Variants in CNTN5 observed in about 807,000 individuals in gnomAD.
CNTN5 encodes the protein contactin-5.
CNTN5 carries 77 observed loss-of-function variants against 129.1 expected under a neutral mutation model. The ratio of observed to expected loss-of-function variants is 0.60; its 90% CI spans 0.50 to 0.72. The LOEUF is 0.72. Among genes scored for constraint, CNTN5 ranks in the 30% least tolerant of loss-of-function variants. The pLI is 0.00. For synonymous variants in CNTN5, 509 were observed against 465.6 expected (o/e 1.09, Z -1.20); for missense variants, 1,478 against 1,328.8 (o/e 1.11, Z -1.75).
At chr11:99,602,228 G>A (rs1950334752) in intron 3 of CNTN5, among the ~76,000 whole-genome samples, 1 of 151,702 alleles carries the variant, frequency 6.6e-6, no homozygotes, top group African/African-American at 2.4e-5. Flanking sequence ...ATTTGTGGGG[G>A]ATATAATTTT....
intron 2 of CNTN5, among the ~76,000 whole-genome samples, chr11:99,362,510 T>A (rs1413301184): frequency 1.3e-5 from 2 of 152,032 alleles, no homozygotes; most frequent in African/African-American, 2.4e-5. Context: ...CTATTTTTTT[T>A]AGTTGTCTAT....
intron 6 of CNTN5, among the ~76,000 whole-genome samples, chr11:99,870,664 A>G (rs940336684): frequency 2.0e-5 from 3 of 152,102 alleles, no homozygotes; most frequent in Non-Finnish European, 2.9e-5. Context: ...TAAAATAGCA[A>G]TGTTTTCCCT....
intron 1 of CNTN5, among the ~76,000 whole-genome samples, chr11:99,125,344 T>TAA (rs34985933): frequency 4.8e-4 from 72 of 149,474 alleles, no homozygotes; most frequent in South Asian, 1.5e-3. Context: ...TCAACAGAAC[T>TAA]AAAAAAAAAA....
intron 2 of CNTN5, among the ~76,000 whole-genome samples, chr11:99,334,720 G>A (rs930797512): frequency 6.6e-6 from 1 of 151,222 alleles, no homozygotes; most frequent in African/African-American, 2.4e-5. Flanking sequence ...AAGTTTCCAA[G>A]ACACAGTATG....
At chr11:100,324,217 G>C (rs897469832) in intron 21 of CNTN5, among the ~76,000 whole-genome samples, 33 of 152,092 alleles carry the variant, frequency 2.2e-4, no homozygotes, top group African/African-American at 8.0e-4. Flanking sequence ...CAAAGAAAGG[G>C]CAGCGGTGGG....
chr11:99,383,275 C>T (rs1238200354), intron 2 of CNTN5, among the ~76,000 whole-genome samples: 1 of 151,976 alleles, frequency 6.6e-6, no homozygotes, highest in Non-Finnish European at 1.5e-5. Flanking sequence ...AAGAAAAGAC[C>T]AAAAGAAATG....
At chr11:99,592,125 T>C (rs957392152) in intron 3 of CNTN5, among the ~76,000 whole-genome samples, 1 of 152,180 alleles carries the variant, frequency 6.6e-6, no homozygotes, top group African/African-American at 2.4e-5. Context: ...TTGAGATTCC[T>C]CTAAACAGAG....
intron 3 of CNTN5, among the ~76,000 whole-genome samples, chr11:99,748,083 C>A (rs1208805278): frequency 6.6e-6 from 1 of 152,040 alleles, no homozygotes; most frequent in Admixed American, 6.6e-5. Flanking sequence ...GTGAATTATC[C>A]TTTTAATGTG....
intron 7 of CNTN5, among the ~76,000 whole-genome samples, chr11:99,945,762 A>T (rs188819929): frequency 3.3e-5 from 5 of 152,076 alleles, no homozygotes; most frequent in African/African-American, 1.2e-4. Flanking sequence ...ATCTTTTTCT[A>T]TGGTGCCACA....
chr11:99,037,337 C>T (rs951064819), intron 1 of CNTN5, among the ~76,000 whole-genome samples: 4 of 152,062 alleles, frequency 2.6e-5, no homozygotes, highest in Admixed American at 6.6e-5. Context: ...AAGCTTTAAT[C>T]GTTTCTACTG....
intron 2 of CNTN5, among the ~76,000 whole-genome samples, chr11:99,434,093 A>C (rs1312679548): frequency 6.6e-6 from 1 of 152,128 alleles, no homozygotes; most frequent in Admixed American, 6.6e-5. Context: ...CCCCAATATA[A>C]TCTTCGGCTG....
intron 3 of CNTN5, among the ~76,000 whole-genome samples, chr11:99,686,359 TA>T (rs1482807672): frequency 1.1e-4 from 16 of 152,080 alleles, no homozygotes; most frequent in Admixed American, 1.0e-3. Flanking sequence ...AGTTTATTTT[TA>T]TTTTGAATTT....
At chr11:99,352,038 A>G (rs1938333561) in intron 2 of CNTN5, among the ~76,000 whole-genome samples, 1 of 152,258 alleles carries the variant, frequency 6.6e-6, no homozygotes, top group African/African-American at 2.4e-5. Flanking sequence ...AGAAAGAGGT[A>G]TGTACCATGC....
At chr11:100,253,195 C>G (rs1950005047) in intron 16 of CNTN5, among the ~76,000 whole-genome samples, 1 of 152,120 alleles carries the variant, frequency 6.6e-6, no homozygotes, top group Admixed American at 6.6e-5. Flanking sequence ...AAGATACTTT[C>G]TAAATTAACA....
At chr11:99,279,727 G>A (rs540465487) in intron 1 of CNTN5, among the ~76,000 whole-genome samples, 1 of 151,736 alleles carries the variant, frequency 6.6e-6, no homozygotes, top group East Asian at 1.9e-4. Flanking sequence ...GCTTGATTAT[G>A]ATGCTGAAGT....
chr11:99,549,754 G>A (rs1392999682), intron 2 of CNTN5, among the ~76,000 whole-genome samples: 3 of 152,058 alleles, frequency 2.0e-5, no homozygotes, highest in Admixed American at 6.6e-5. Flanking sequence ...GTGGAGTCGT[G>A]AGCCATAGTT....
intron 2 of CNTN5, among the ~76,000 whole-genome samples, chr11:99,328,557 T>C (rs191042589): frequency 7.2e-5 from 11 of 152,112 alleles, no homozygotes; most frequent in Non-Finnish European, 1.3e-4. Flanking sequence ...TATAGGAAAA[T>C]TTGTTATATG....
At chr11:100,314,704 G>C (rs1951542965) in intron 21 of CNTN5, among the ~76,000 whole-genome samples, 1 of 152,088 alleles carries the variant, frequency 6.6e-6, no homozygotes, top group South Asian at 2.1e-4. Flanking sequence ...GCATCATTAA[G>C]GGCAGTAAAG....
intron 2 of CNTN5, among the ~76,000 whole-genome samples, chr11:99,412,648 A>T (rs1028581400): frequency 7.9e-5 from 12 of 152,218 alleles, no homozygotes; most frequent in African/African-American, 2.9e-4. Context: ...TGTTTCACAG[A>T]GAAGGAAACA....
Sources: allele counts gnomAD v4.1 joint callset (sites outside exome capture counted in the v4.1 genomes callset), GRCh38; gene constraint gnomAD v4.1.1; transcripts MANE v1.5; gene names NCBI Gene and HGNC (gene_info 2026-07-23, HGNC 2026-07-21).